Variants in ASCC3 observed in about 807,000 individuals in gnomAD.
ASCC3 encodes the protein activating signal cointegrator 1 complex subunit 3, also known as ASC-1 complex subunit P200.
ASCC3 carries 158 observed loss-of-function variants against 256.3 expected under a neutral mutation model. That is an observed-to-expected ratio of 0.62 (90% CI 0.54 to 0.70). The LOEUF (loss-of-function observed/expected upper bound fraction) is 0.70, where lower values mean the gene tolerates loss of function less well. Ranked by LOEUF, ASCC3 falls within the 30% of genes least tolerant of loss-of-function variation. The pLI, the probability that ASCC3 is intolerant of heterozygous loss-of-function variation, is 0.00. For synonymous variants in ASCC3, 948 were observed against 883.4 expected, an observed-to-expected ratio of 1.07 and a Z score of -1.30; for missense variants, 2,259 against 2,626.0, an observed-to-expected ratio of 0.86 and a Z score of 3.05.
chr6:100,807,565 G>A (rs1770252581), intron 4 of ASCC3, among the ~76,000 whole-genome samples: 1 of 151,810 alleles, frequency 6.6e-6, no homozygotes, highest in African/African-American at 2.4e-5. Context: ...TACTGATGGT[G>A]CAAAAGCAAT....
chr6:100,576,471 G>A (rs182129822), intron 36 of ASCC3, among the ~76,000 whole-genome samples: 228 of 151,780 alleles, frequency 1.5e-3, no homozygotes, highest in Middle Eastern at 0.014. Flanking sequence ...TGAAATAATA[G>A]GATAAAGATA....
At chr6:100,541,162 T>A (rs909727169) in intron 36 of ASCC3, among the ~76,000 whole-genome samples, 2 of 152,082 alleles carry the variant, frequency 1.3e-5, no homozygotes, top group African/African-American at 4.8e-5. Flanking sequence ...TCCAAATATG[T>A]AGTTATTTGA....
chr6:100,638,733 T>C lies in ASCC3; in HGVS notation c.3990A>G (p.Val1330=), dbSNP rs1774967597. 6.2e-7 allele frequency: 1 copy of C among 1,613,974 alleles called. No individual in the cohort carries two copies. The highest frequency in any genetic ancestry group is 8.5e-7 in the Non-Finnish European group (1 of 1,179,986). ...ACAATGTATGAAATATTTGTGTCTGTACAGGGTTAAAGTGGCTGAAGTTGT... is the reference window on the plus strand; with the variant it reads ...ACAATGTATGAAATATTTGTGTCTGCACAGGGTTAAAGTGGCTGAAGTTGT... ...ALYNFSHFNP[V]QTQIFHTLYH... is the part of the protein sequence containing the mutation. The change falls in exon 25 of 42, where the codon GTA becomes GTG. Residue 1330 remains valine, a synonymous_variant. Coordinates refer to ENST00000369162, the MANE Select transcript of ASCC3 (RefSeq NM_006828.4).
At chr6:100,827,652 T>A (rs1057326703) in intron 4 of ASCC3, among the ~76,000 whole-genome samples, 1 of 152,184 alleles carries the variant, frequency 6.6e-6, no homozygotes, top group Non-Finnish European at 1.5e-5. Context: ...TTGCCCTTTA[T>A]AAATACTATA....
chr6:100,752,407 A>G (rs1780981425), intron 10 of ASCC3, among the ~76,000 whole-genome samples: 1 of 152,138 alleles, frequency 6.6e-6, no homozygotes, highest in Non-Finnish European at 1.5e-5. Flanking sequence ...TGGAAACCCA[A>G]ATAAAGTGGC....
chr6:100,794,343 T>A (rs149902554), intron 8 of ASCC3, among the ~76,000 whole-genome samples: 3 of 152,216 alleles, frequency 2.0e-5, no homozygotes, highest in Non-Finnish European at 4.4e-5. Flanking sequence ...GCCTACATGC[T>A]AATAAGACTG....
Position 100,605,361 on chromosome 6 carries a change from T to C in ASCC3, c.5177+207A>G, listed in dbSNP as rs186250865. 9.4e-3 allele frequency among the ~76,000 whole-genome samples: 1,433 copies of C among 152,256 alleles called. 18 individuals are homozygous for C. Among genetic ancestry groups the C allele is most frequent in the Non-Finnish European group, 0.012 (835 of 68,002 alleles). ...CTTCATAGTCAATGCGTCTGAACACTGTACTATACTGCTTATTTTAAAAAG... is the reference window on the plus strand; with the variant it reads ...CTTCATAGTCAATGCGTCTGAACACCGTACTATACTGCTTATTTTAAAAAG... On this transcript the variant is annotated intron_variant, in intron 33 of 41. Coordinates refer to ENST00000369162, the MANE Select transcript of ASCC3 (RefSeq NM_006828.4).
At chr6:100,537,935 T>C (rs1455364766) in intron 37 of ASCC3, among the ~76,000 whole-genome samples, 1 of 150,546 alleles carries the variant, frequency 6.6e-6, no homozygotes, top group African/African-American at 2.4e-5. Context: ...TATAAAAATA[T>C]CTAATAGAGG....
At chr6:100,594,499 A>G (rs1294885104) in intron 34 of ASCC3, among the ~76,000 whole-genome samples, 1 of 152,146 alleles carries the variant, frequency 6.6e-6, no homozygotes, top group Non-Finnish European at 1.5e-5. Context: ...AAGTGATTTT[A>G]ACACAGACAA....
At chr6:100,551,826 T>G (rs1769316544) in intron 36 of ASCC3, among the ~76,000 whole-genome samples, 2 of 152,042 alleles carry the variant, frequency 1.3e-5, no homozygotes, top group South Asian at 4.1e-4. Flanking sequence ...CTTCTTTTTC[T>G]GCTTCCAGTG....
intron 36 of ASCC3, among the ~76,000 whole-genome samples, chr6:100,550,496 A>G (rs1769234391): frequency 6.6e-6 from 1 of 151,958 alleles, no homozygotes; most frequent in Admixed American, 6.6e-5. Flanking sequence ...TGCCTTGTAA[A>G]TGTAAGCAAA....
chr6:100,776,079 T>A (rs4571568), intron 8 of ASCC3, among the ~76,000 whole-genome samples: 63,384 of 151,902 alleles, frequency 0.42, 13,818 homozygotes, highest in South Asian at 0.6. Flanking sequence ...TACATGCTAA[T>A]AATATTTATT....
intron 13 of ASCC3, among the ~76,000 whole-genome samples, chr6:100,695,074 A>G (rs573723456): frequency 5.3e-5 from 8 of 152,350 alleles, no homozygotes; most frequent in Non-Finnish European, 1.0e-4. Flanking sequence ...GTACTAAGAC[A>G]TAACTTCACT....
chr6:100,803,162 AC>A (rs142497056), intron 5 of ASCC3, among the ~76,000 whole-genome samples: 2,230 of 152,058 alleles, frequency 0.015, 45 homozygotes, highest in African/African-American at 0.052. Context: ...ATACTCATAA[AC>A]CTTGCTGGCT....
In ASCC3 at chr6:100,765,715, T is replaced by C. The variant is rs997054091; in HGVS notation, c.1737+850A>G. ...GGTTGTCACTGCTGCATCCTTAACC[T>C]TGGCAAAATAAACTTTCAAAATTGA... On this transcript the variant is annotated intron_variant, in intron 10 of 41. Coordinates refer to ENST00000369162, the MANE Select transcript of ASCC3 (RefSeq NM_006828.4). Among the ~76,000 whole-genome samples, 4 of 152,198 alleles carry C rather than the reference T, an allele frequency of 2.6e-5. No individual in the cohort carries two copies. In the East Asian group the frequency reaches 7.7e-4, roughly 29 times the overall value.
chr6:100,840,153 G>A (rs1008817410), intron 4 of ASCC3, among the ~76,000 whole-genome samples: 8 of 152,266 alleles, frequency 5.3e-5, no homozygotes, highest in Non-Finnish European at 2.9e-5. Context: ...TCACTTTAGA[G>A]TATACAGTAT....
intron 13 of ASCC3, among the ~76,000 whole-genome samples, chr6:100,700,427 C>A (rs1778299304): frequency 6.6e-6 from 1 of 152,066 alleles, no homozygotes; most frequent in African/African-American, 2.4e-5. Context: ...AGGGTGGGAG[C>A]CTCCACACAG....
intron 25 of ASCC3, among the ~76,000 whole-genome samples, chr6:100,636,355 A>G (rs2114878358): frequency 6.6e-6 from 1 of 152,168 alleles, no homozygotes; most frequent in African/African-American, 2.4e-5. Flanking sequence ...AGTGTCATGA[A>G]CTACACCATA....
chr6:100,773,393 T>C (rs117619744), intron 8 of ASCC3, among the ~76,000 whole-genome samples: 2,084 of 152,280 alleles, frequency 0.014, 21 homozygotes, highest in East Asian at 0.045. Context: ...TCTGATCATG[T>C]CACATTCCAG....
Sources: allele counts gnomAD v4.1 joint callset (sites outside exome capture counted in the v4.1 genomes callset), GRCh38; gene constraint gnomAD v4.1.1; transcripts MANE v1.5; gene names NCBI Gene and HGNC (gene_info 2026-07-23, HGNC 2026-07-21).